Variants in RNPC3 observed in about 807,000 individuals in gnomAD.
RNPC3 encodes RNA-binding region-containing protein 3.
RNPC3 carries 48 observed loss-of-function variants against 67.5 expected under a neutral mutation model. The observed-to-expected ratio is 0.71, with a 90% CI of 0.56 to 0.90. The LOEUF is 0.90. Among genes scored for constraint, RNPC3 ranks in the 40% least tolerant of loss-of-function variants. RNPC3 has a pLI of 0.00. For synonymous variants in RNPC3, 239 were observed against 210.3 expected (o/e 1.14, Z -1.18); for missense variants, 637 against 626.1 (o/e 1.02, Z -0.19).
Position 103,542,174 on chromosome 1 carries a change from A to G in RNPC3, c.893+699A>G, listed in dbSNP as rs184124148. 4.6e-5 allele frequency among the ~76,000 whole-genome samples: 7 copies of G among 152,174 alleles called. No individual in the cohort carries two copies. The East Asian group carries it at 1.3e-3, about 29-fold the overall frequency. On this transcript the variant is annotated intron_variant, in intron 8 of 14. Coordinates refer to ENST00000423855, the MANE Select transcript of RNPC3 (RefSeq NM_017619.4). ...GCAATTATAATACATGACATAGGAA[A>G]TATAAACTAAGAACTAAAAGGTTGT...
intron 12 of RNPC3, among the ~76,000 whole-genome samples, chr1:103,547,536 C>T (rs1651276649): frequency 6.6e-6 from 1 of 152,158 alleles, no homozygotes; most frequent in South Asian, 2.1e-4. Flanking sequence ...GAATTTGTTT[C>T]TAAAAGGCTC....
rs1179012227 is a variant in RNPC3, at chr1:103,547,000, A to G, written c.1326A>G (p.Arg442=). The G allele has an allele frequency of 1.3e-6, 2 of 1,492,374 alleles. No homozygotes were observed. Among genetic ancestry groups the G allele is most frequent in the Non-Finnish European group, 1.8e-6 (2 of 1,113,068 alleles). 92.4% of individuals were successfully genotyped at this position (1,492,374 alleles called of 1,614,324 possible). Residue 442 remains arginine (R), a synonymous_variant, in exon 12 of 15, where the codon AGA becomes AGG. Coordinates refer to ENST00000423855, the MANE Select transcript of RNPC3 (RefSeq NM_017619.4). ...AGGACCTTAAATATATTTTTGGAAG[A>G]TATGTTGACTTTTCATCAGAAACAC... ...QEKDLKYIFG[R]YVDFSSETQR...
rs1300181313 is a variant in RNPC3 at position 103,555,126 on chromosome 1, A to G, written c.*105A>G. The G allele has an allele frequency of 6.6e-6, 1 of 152,068 alleles. No individual in the cohort carries two copies. Among genetic ancestry groups the G allele is most frequent in the Non-Finnish European group, 1.5e-5 (1 of 67,974 alleles). 9.4% of individuals were successfully genotyped at this position (152,068 alleles called of 1,614,324 possible). On this transcript the variant is annotated 3_prime_UTR_variant, in exon 15 of 15. Coordinates refer to ENST00000423855, the MANE Select transcript of RNPC3 (RefSeq NM_017619.4). ...TATGGAACTGTGCGTAACAGCTTTGAAAGTGTATTTAAAAATTAAATCTAT... is the reference window on the plus strand; with the variant it reads ...TATGGAACTGTGCGTAACAGCTTTGGAAGTGTATTTAAAAATTAAATCTAT...
intron 12 of RNPC3, among the ~76,000 whole-genome samples, chr1:103,548,178 C>T (rs1651292958): frequency 6.6e-6 from 1 of 152,178 alleles, no homozygotes; most frequent in African/African-American, 2.4e-5. Flanking sequence ...GCCCTGGAGA[C>T]ATATTCCTCA....
rs41302814 is a variant in RNPC3 at position 103,546,882 on chromosome 1, A to G, written c.1303-95A>G. On this transcript the variant is annotated intron_variant, in intron 11 of 14. Coordinates refer to ENST00000423855, the MANE Select transcript of RNPC3 (RefSeq NM_017619.4). ...AGATTAAAGCCTACCTTAGTCCAGT[A>G]TGACCTCTTCTACTGATGCATTGAT... 5,055 of 644,162 alleles carry G rather than the reference A, an allele frequency of 7.8e-3. 34 individuals carry two copies. The highest frequency in any genetic ancestry group is 0.016 in the South Asian group (768 of 46,712). 39.9% of individuals were successfully genotyped at this position (644,162 alleles called of 1,614,324 possible). A position where few individuals can be genotyped will look rare whatever the true frequency, so the allele number is the denominator to read the frequency against.
In RNPC3 at chr1:103,533,856, A is replaced by AG; in HGVS notation, c.359+1dup. 7.3e-7 allele frequency: 1 copy of AG among 1,378,182 alleles called. No homozygotes were observed. The highest frequency in any genetic ancestry group is 9.9e-7 in the Non-Finnish European group (1 of 1,005,388). The allele number at this position is 1,378,182 out of a possible 1,614,324, so 85.4% of individuals were successfully genotyped here. On this transcript the variant is annotated frameshift_variant and splice_region_variant, in exon 3 of 15. Coordinates refer to ENST00000423855, the MANE Select transcript of RNPC3 (RefSeq NM_017619.4). LOFTEE classifies it high-confidence loss of function. ...CACTTCAGGCTCTGAAAAAAAAAAAAGGTATGTAGATCAGTAAATCATACA... is the reference window on the plus strand; with the variant it reads ...CACTTCAGGCTCTGAAAAAAAAAAAAGGGTATGTAGATCAGTAAATCATACA...
chr1:103,549,380 C>T (rs1022592877), intron 12 of RNPC3, among the ~76,000 whole-genome samples: 4 of 152,070 alleles, frequency 2.6e-5, no homozygotes, highest in African/African-American at 7.2e-5. Context: ...CAAATGGAAC[C>T]GTGTTTCACA....
chr1:103,534,934 G>C, intron 4 of RNPC3, 77 bp downstream of exon 4: 2 of 795,374 alleles, frequency 2.5e-6, no homozygotes, highest in Non-Finnish European at 1.9e-6. Context: ...ACTGCTTTTT[G>C]CTTATTATAT....
chr1:103,534,958 G>A, intron 4 of RNPC3, 101 bp downstream of exon 4: 1 of 621,328 alleles, frequency 1.6e-6, no homozygotes, highest in Non-Finnish European at 2.7e-6. Context: ...GTAATATACA[G>A]ATATCTTATT....
chr1:103,545,479 G>A (rs182297506), intron 10 of RNPC3: 2 of 156,110 alleles, frequency 1.3e-5, no homozygotes, highest in East Asian at 3.8e-4. Flanking sequence ...AAAAAAAATG[G>A]TGATTAGAAA....
chr1:103,546,734 T>C, intron 11 of RNPC3: 1 of 395,058 alleles, frequency 2.5e-6, no homozygotes, highest in Non-Finnish European at 4.5e-6. Flanking sequence ...ATGCAGAAGC[T>C]GGCGAACTTT....
In RNPC3 at chr1:103,546,335, A is replaced by G. The variant is rs923276055; in HGVS notation, c.1295A>G (p.Gln432Arg). ...IYVKNLAKHV[Q>R]EKDLKYIFGR... ...GTAAAGAATTTAGCTAAACATGTTC[A>G]AGAAAAGGTAGGTATAAATTGATTT... Residue 432 changes from glutamine (Q) to arginine (R), a missense_variant, in exon 11 of 15, where the codon CAA (glutamine) becomes CGA (arginine). Physicochemically the swap from Gln to Arg is conservative, Grantham distance 43 (BLOSUM62 1). Around this residue, in one of 3 missense-constraint regions of RNPC3, gnomAD observed 96 missense variants for 105.8 expected, o/e 0.91. Transcript: ENST00000423855. 87 of 1,415,948 alleles carry G rather than the reference A, an allele frequency of 6.1e-5. No homozygotes were observed. The highest frequency in any genetic ancestry group is 6.4e-5 in the Non-Finnish European group (68 of 1,067,956). The allele number at this position is 1,415,948 out of a possible 1,614,324, so 87.7% of individuals were successfully genotyped here.
intron 2 of RNPC3, 74 bp downstream of exon 2, chr1:103,527,816 CTG>C (rs1230400915): frequency 2.9e-5 from 32 of 1,117,374 alleles, no homozygotes; most frequent in Middle Eastern, 2.0e-4. Flanking sequence ...TAATGTTTAA[CTG>C]TGGTTTTTAA....
intron 7 of RNPC3, among the ~76,000 whole-genome samples, chr1:103,540,176 G>A (rs540855791): frequency 1.3e-5 from 2 of 152,232 alleles, no homozygotes. Context: ...CAACACTTTT[G>A]CTTTCTGATG....
At chr1:103,526,425 A>G (rs1401707486) in intron 1 of RNPC3, among the ~76,000 whole-genome samples, 163 bp downstream of exon 1, 1 of 152,168 alleles carries the variant, frequency 6.6e-6, no homozygotes, top group Non-Finnish European at 1.5e-5. Context: ...TGCTCTGCGA[A>G]GTGGAGTTTT....
At chr1:103,545,786 G>C (rs1651228515) in intron 10 of RNPC3, 1 of 152,482 alleles carries the variant, frequency 6.6e-6, no homozygotes, top group African/African-American at 2.4e-5. Flanking sequence ...TTTAAATATG[G>C]AGGTGGCTGA....
intron 7 of RNPC3, among the ~76,000 whole-genome samples, chr1:103,538,485 C>CT (rs1056039305): frequency 7.2e-5 from 11 of 152,250 alleles, no homozygotes; most frequent in African/African-American, 2.6e-4. Context: ...ATAGTATTGA[C>CT]TGTGAGTCAA....
chr1:103,529,344 G>T (rs773785725), intron 2 of RNPC3, among the ~76,000 whole-genome samples: 1 of 152,056 alleles, frequency 6.6e-6, no homozygotes, highest in Non-Finnish European at 1.5e-5. Flanking sequence ...TTGTTTTAGG[G>T]TCAAGAATAA....
Position 103,535,372 on chromosome 1 carries a change from AC to A in RNPC3, c.488del (p.Pro163HisfsTer7). The A allele has an allele frequency of 6.5e-7, 1 of 1,535,824 alleles. No individual in the cohort carries two copies. Among genetic ancestry groups the A allele is most frequent in the Non-Finnish European group, 8.7e-7 (1 of 1,145,824 alleles). ...ATTCATGCCTCAAGTATATGTACCC[AC>A]CACCTTCCAGCACAATCCTAGCAAA... The part of the protein sequence containing the change: ...LNSCLKYMYP[P>X]PSSTILANIV... On this transcript the variant is annotated frameshift_variant, in exon 5 of 15. Coordinates refer to ENST00000423855, the MANE Select transcript of RNPC3 (RefSeq NM_017619.4). LOFTEE classifies it high-confidence loss of function.
Sources: allele counts gnomAD v4.1 joint callset (sites outside exome capture counted in the v4.1 genomes callset), GRCh38; gene constraint gnomAD v4.1.1; regional missense constraint gnomAD v4.1.1; transcripts MANE v1.5; gene names NCBI Gene and HGNC (gene_info 2026-07-23, HGNC 2026-07-21).